PALLD: variants seen among roughly 807,000 people sequenced by gnomAD.
PALLD encodes palladin, cytoskeletal associated protein.
PALLD carries 61 observed loss-of-function variants against 123.5 expected under a neutral mutation model. The observed-to-expected ratio is 0.49, with a 90% CI of 0.40 to 0.61. The LOEUF (loss-of-function observed/expected upper bound fraction) is 0.61, where lower values mean the gene tolerates loss of function less well. PALLD is among the 20% of genes least tolerant of loss of function. The pLI is 0.00. For missense variants in PALLD, 1,273 were observed against 1,377.0 expected, an observed-to-expected ratio of 0.92 and a Z score of 1.20; for synonymous variants, 465 against 496.4, an observed-to-expected ratio of 0.94 and a Z score of 0.84.
chr4:168,803,684 CAAA>C (rs5863961), intron 10 of PALLD, among the ~76,000 whole-genome samples: 2 of 137,692 alleles, frequency 1.5e-5, no homozygotes, highest in Non-Finnish European at 1.6e-5. Flanking sequence ...GACCCTGTCT[CAAA>C]AAAAAAAAAA....
At chr4:168,513,015 T>C (rs781028097) in intron 2 of PALLD, among the ~76,000 whole-genome samples, 11 of 151,710 alleles carry the variant, frequency 7.3e-5, no homozygotes, top group Non-Finnish European at 1.6e-4. Flanking sequence ...CAACATGTAA[T>C]TTACCCATGT....
chr4:168,612,714 A>C (rs913429382), intron 2 of PALLD, among the ~76,000 whole-genome samples: 14 of 152,102 alleles, frequency 9.2e-5, no homozygotes, highest in Admixed American at 6.6e-5. Context: ...AATATCTATA[A>C]ATTTTTTTCC....
chr4:168,621,740 G>C (rs187784778), intron 2 of PALLD, among the ~76,000 whole-genome samples: 8 of 152,304 alleles, frequency 5.3e-5, no homozygotes, highest in Admixed American at 5.2e-4. Context: ...TCTCTTGGCA[G>C]GTGTGACCCA....
Position 168,605,591 on chromosome 4 carries a change from G to A in PALLD, c.909-62599G>A, listed in dbSNP as rs185659327. ...TCAATGTTGGTCAGCAGGATCCAGG[G>A]AATGACTCACAGACTGGGCAGGGGA... On this transcript the variant is annotated intron_variant, in intron 2 of 21. Coordinates refer to ENST00000505667, the MANE Select transcript of PALLD (RefSeq NM_001166108.2). Among the ~76,000 whole-genome samples the A allele has an allele frequency of 8.0e-4, 122 of 152,298 alleles. 1 individual carries two copies. In the East Asian group the frequency reaches 0.01, roughly 13 times the overall value.
chr4:168,830,522 CCT>C (rs1264163285), intron 10 of PALLD, among the ~76,000 whole-genome samples: 1 of 113,220 alleles, frequency 8.8e-6, no homozygotes. Context: ...AGAGTGAGAC[CCT>C]GTCTCAAAAA....
chr4:168,840,656 G>A (rs985097837), intron 10 of PALLD, among the ~76,000 whole-genome samples: 3 of 152,252 alleles, frequency 2.0e-5, no homozygotes, highest in Non-Finnish European at 2.9e-5. Flanking sequence ...AAGTTATTTG[G>A]AATGATTTTA....
intron 2 of PALLD, among the ~76,000 whole-genome samples, chr4:168,623,645 A>G (rs1358489379): frequency 6.6e-6 from 1 of 152,234 alleles, no homozygotes; most frequent in Non-Finnish European, 1.5e-5. Flanking sequence ...CAGAAAGCCT[A>G]AGTGTGAACG....
At chr4:168,761,656 T>TTTTGTTTG (rs1732917393) in intron 10 of PALLD, among the ~76,000 whole-genome samples, 1 of 40,892 alleles carries the variant, frequency 2.4e-5, no homozygotes, top group Non-Finnish European at 5.6e-5. Context: ...TTTTTTTTTT[T>TTTTGTTTG]TTTTTTTTTT....
chr4:168,534,790 A>T (rs1019845048), intron 2 of PALLD, among the ~76,000 whole-genome samples: 1 of 152,168 alleles, frequency 6.6e-6, no homozygotes, highest in Non-Finnish European at 1.5e-5. Context: ...TTTTCCTTTG[A>T]ATCCTCTATA....
intron 10 of PALLD, among the ~76,000 whole-genome samples, chr4:168,774,756 T>C (rs1025917168): frequency 8.0e-6 from 1 of 125,036 alleles, no homozygotes; most frequent in Non-Finnish European, 1.6e-5. Flanking sequence ...AGATAGCAAA[T>C]ACATCCATCA....
At chr4:168,655,343 G>A (rs1376113345) in intron 2 of PALLD, among the ~76,000 whole-genome samples, 1 of 152,216 alleles carries the variant, frequency 6.6e-6, no homozygotes, top group South Asian at 2.1e-4. Context: ...TTGACTGACG[G>A]GGCAGTTTAC....
intron 2 of PALLD, among the ~76,000 whole-genome samples, chr4:168,591,290 A>C (rs1351005748): frequency 2.0e-5 from 3 of 152,210 alleles, no homozygotes; most frequent in African/African-American, 7.2e-5. Flanking sequence ...TGTCAGTAAT[A>C]CTATGAGTCT....
intron 10 of PALLD, among the ~76,000 whole-genome samples, chr4:168,870,690 T>C (rs1750957497): frequency 6.6e-6 from 1 of 152,166 alleles, no homozygotes; most frequent in African/African-American, 2.4e-5. Context: ...TCATAAAATC[T>C]AAAAGTTTAT....
rs77395763 is a variant in PALLD at position 168,755,779 on chromosome 4, G to A, written c.1964+43856G>A. The A allele has an allele frequency of 6.4e-4, 103 of 159,748 alleles. No homozygotes were observed. In the East Asian group the frequency reaches 0.018, roughly 28 times the overall value. 9.9% of individuals were successfully genotyped at this position (159,748 alleles called of 1,614,324 possible). A position where few individuals can be genotyped will look rare whatever the true frequency, so the allele number is the denominator to read the frequency against. ...TGTGGGGTGGAAGTAGTTAGTGGAG[G>A]CAATAAGAAGTGATGGGAGCTGCAT... is the stretch of plus-strand genomic sequence containing the variant. On this transcript the variant is annotated intron_variant, in intron 10 of 21. Coordinates refer to ENST00000505667, the MANE Select transcript of PALLD (RefSeq NM_001166108.2).
intron 10 of PALLD, among the ~76,000 whole-genome samples, chr4:168,768,380 T>C (rs1332143497): frequency 3.3e-5 from 5 of 152,206 alleles, no homozygotes; most frequent in Non-Finnish European, 5.9e-5. Flanking sequence ...TTAATTACCC[T>C]GAACCTGGAA....
At chr4:168,643,161 A>C (rs1447356224) in intron 2 of PALLD, among the ~76,000 whole-genome samples, 1 of 152,176 alleles carries the variant, frequency 6.6e-6, no homozygotes, top group Non-Finnish European at 1.5e-5. Flanking sequence ...TTATGGCAAA[A>C]TTCTATACCC....
chr4:168,795,379 A>G (rs1240109338), intron 10 of PALLD, among the ~76,000 whole-genome samples: 1 of 152,258 alleles, frequency 6.6e-6, no homozygotes, highest in East Asian at 1.9e-4. Context: ...TCAAGAATGC[A>G]TAATAGGTGT....
intron 2 of PALLD, among the ~76,000 whole-genome samples, chr4:168,600,035 A>T (rs1772426144): frequency 1.3e-5 from 2 of 151,066 alleles, no homozygotes; most frequent in African/African-American, 4.9e-5. Context: ...ACACACATAC[A>T]TACATGTGTA....
intron 2 of PALLD, among the ~76,000 whole-genome samples, chr4:168,542,415 T>A (rs1318797947): frequency 2.0e-5 from 3 of 151,272 alleles, no homozygotes; most frequent in South Asian, 2.1e-4. Context: ...AAAAAGAAAA[T>A]TTTTTAAAAT....
Sources: allele counts gnomAD v4.1 joint callset (sites outside exome capture counted in the v4.1 genomes callset), GRCh38; gene constraint gnomAD v4.1.1; transcripts MANE v1.5; gene names NCBI Gene and HGNC (gene_info 2026-07-23, HGNC 2026-07-21).